The following AP3B2 variants were observed in gnomAD, a reference collection of about 807,000 sequenced individuals.
The protein encoded by AP3B2 is adaptor related protein complex 3 subunit beta 2.
A neutral mutation model predicts 126.9 loss-of-function variants in AP3B2; 50 were observed. The ratio of observed to expected loss-of-function variants is 0.39; its 90% CI spans 0.31 to 0.50. The LOEUF is 0.50. Ranked by LOEUF, AP3B2 falls within the 20% of genes least tolerant of loss-of-function variation. The pLI is 0.79. For synonymous variants in AP3B2, 541 were observed against 565.0 expected, an observed-to-expected ratio of 0.96 and a Z score of 0.60; for missense variants, 1,177 against 1,426.4, an observed-to-expected ratio of 0.83 and a Z score of 2.82.
chr15:82,703,068 T>C (rs1413734150), intron 1 of AP3B2, among the ~76,000 whole-genome samples: 1 of 152,148 alleles, frequency 6.6e-6, no homozygotes, highest in Admixed American at 6.6e-5. Context: ...AGGAAATGCA[T>C]TTTATCTGTG....
intron 14 of AP3B2, among the ~76,000 whole-genome samples, chr15:82,671,724 AGAGT>A (rs1033288177): frequency 1.5e-5 from 2 of 134,106 alleles, no homozygotes; most frequent in Non-Finnish European, 3.2e-5. Flanking sequence ...CTGGGAAAAA[AGAGT>A]GAAACACCAT....
chr15:82,679,801 C>CT lies in AP3B2; in HGVS notation c.1111-2dup, dbSNP rs1002901053. On this transcript the variant is annotated splice_acceptor_variant, in intron 9 of 26. Transcript: ENST00000535359. LOFTEE classifies it high-confidence loss of function. ...TCTTCAGGTAGGGCTCAAACATACCCTGGCACAAGAGAGGCAGCTAGGGAG... is the reference window on the plus strand; with the variant it reads ...TCTTCAGGTAGGGCTCAAACATACCCTTGGCACAAGAGAGGCAGCTAGGGAG... The CT allele has an allele frequency of 1.4e-5, 22 of 1,613,790 alleles. No homozygotes were observed. The highest frequency in any genetic ancestry group is 1.9e-5 in the Non-Finnish European group (22 of 1,179,820).
intron 4 of AP3B2, 51 bp downstream of exon 4, chr15:82,688,685 A>C: frequency 6.6e-7 from 1 of 1,515,172 alleles, no homozygotes; most frequent in Non-Finnish European, 9.0e-7. Flanking sequence ...TACTCCTCCG[A>C]TACAGCGCCA....
chr15:82,680,099 C>T lies in AP3B2; in HGVS notation c.1110+76G>A. On this transcript the variant is annotated intron_variant, in intron 9 of 26. Transcript: ENST00000535359. This position sits in a 1 kb window ranked among gnomAD's most constrained non-coding sequence, Gnocchi z 6.1. ...ATCTTCCCTTTCCCCGGCCCCGGTC[C>T]CAGCCCCGACAACGCCTCCAGTGCC... is the stretch of plus-strand genomic sequence containing the variant. 1 of 1,587,300 alleles carries T rather than the reference C, an allele frequency of 6.3e-7. No individual in the cohort carries two copies. Among genetic ancestry groups the T allele is most frequent in the South Asian group, 1.1e-5 (1 of 89,372 alleles).
intron 14 of AP3B2, among the ~76,000 whole-genome samples, chr15:82,669,064 G>A (rs1363716808): frequency 6.6e-6 from 1 of 152,194 alleles, no homozygotes; most frequent in Non-Finnish European, 1.5e-5. Context: ...CCCACCAGTA[G>A]CTGCCTCCTG....
chr15:82,671,829 C>A (rs796960317), intron 14 of AP3B2, among the ~76,000 whole-genome samples: 2 of 151,058 alleles, frequency 1.3e-5, no homozygotes, highest in South Asian at 2.1e-4. Context: ...AGATCACTTG[C>A]GGCCAGGAGT....
chr15:82,698,787 A>ATGTGGGTGGGTGGGG (rs1450432701), intron 1 of AP3B2, among the ~76,000 whole-genome samples: 2 of 152,000 alleles, frequency 1.3e-5, no homozygotes, highest in African/African-American at 4.8e-5. Context: ...TGCGCCTGTC[A>ATGTGGGTGGGTGGGG]AATGCACACA....
rs974332278 is a variant in AP3B2 at position 82,665,411 on chromosome 15, A to G, written c.1971+46T>C. On this transcript the variant is annotated intron_variant, in intron 16 of 26. Transcript: ENST00000535359. This position sits in a 1 kb window ranked among gnomAD's most constrained non-coding sequence, Gnocchi z 4.4. ...CACACACACACACACACACACACACACACACACACACACACACACACACTT... is the reference window on the plus strand; with the variant it reads ...CACACACACACACACACACACACACGCACACACACACACACACACACACTT... 3 of 541,174 alleles carry G rather than the reference A, an allele frequency of 5.5e-6. No individual in the cohort carries two copies. The highest frequency in any genetic ancestry group is 8.8e-6 in the Non-Finnish European group (3 of 339,320). The allele number at this position is 541,174 out of a possible 1,614,324, so 33.5% of individuals were successfully genotyped here.
chr15:82,680,658 G>T lies in AP3B2; in HGVS notation c.869C>A (p.Ala290Asp). The T allele has an allele frequency of 1.3e-6, 2 of 1,580,132 alleles. No homozygotes were observed. The highest frequency in any genetic ancestry group is 8.6e-7 in the Non-Finnish European group (1 of 1,168,270). The stretch of plus-strand genomic sequence containing the variant: ...CATGACATAGGGCTTTCGGGAGGGG[G>T]CGGCCGCGGCGGCCGTCTCCTCAGA... ...AGSEETAAAA[A>D]PSRKPYVMDP... is the part of the protein sequence containing the mutation. The change falls in exon 8 of 27, where the codon GCC (alanine) becomes GAC (aspartate). Residue 290 changes from alanine to aspartate, a missense_variant. This residue lies in a region of AP3B2 where 103 missense variants were observed against 101.4 expected (regional missense o/e 1.02). Transcript: ENST00000535359. The surrounding 1 kb of genome is among the most constrained non-coding windows in gnomAD (Gnocchi z 6.1).
intron 1 of AP3B2, chr15:82,691,603 TA>T (rs374866615): frequency 0.029 from 17,375 of 606,762 alleles, 78 homozygotes; most frequent in African/African-American, 0.066. Context: ...TTTTCTTCTT[TA>T]AAAAAAAAAA....
chr15:82,687,428 G>A (rs1035959994), intron 4 of AP3B2: 12 of 152,126 alleles, frequency 7.9e-5, no homozygotes, highest in Admixed American at 1.3e-4. Context: ...AGGGGGACAG[G>A]GTCAGTTGGT....
Position 82,665,025 on chromosome 15 carries a change from C to T in AP3B2, c.2029-82G>A. ...AGGCACAAGCCCTTACCCTTTATTC[C>T]ACCTCTTTGTGAGGCCCTACCTGGT... On this transcript the variant is annotated intron_variant, in intron 17 of 26. Coordinates refer to ENST00000535359, the MANE Select transcript of AP3B2 (RefSeq NM_001278512.2). This position sits in a 1 kb window ranked among gnomAD's most constrained non-coding sequence, Gnocchi z 4.4. The T allele has an allele frequency of 8.3e-7, 1 of 1,201,902 alleles. No individual in the cohort carries two copies. 74.5% of individuals were successfully genotyped at this position (1,201,902 alleles called of 1,614,324 possible). A position where few individuals can be genotyped will look rare whatever the true frequency, so the allele number is the denominator to read the frequency against.
chr15:82,664,934 A>G lies in AP3B2; in HGVS notation c.2038T>C (p.Trp680Arg), dbSNP rs1486507474. 1.2e-6 allele frequency: 2 copies of G among 1,606,626 alleles called. No individual in the cohort carries two copies. Among genetic ancestry groups the G allele is most frequent in the Non-Finnish European group, 1.7e-6 (2 of 1,176,430 alleles). Residue 680 changes from tryptophan to arginine, a missense_variant, in exon 18 of 27, where the codon TGG becomes CGG. By Grantham distance (101) the Trp-to-Arg change is moderately radical. Around this residue, in one of 5 missense-constraint regions of AP3B2, gnomAD observed 587 missense variants for 571.3 expected, o/e 1.03. Coordinates refer to ENST00000535359, the MANE Select transcript of AP3B2 (RefSeq NM_001278512.2). This position sits in a 1 kb window ranked among gnomAD's most constrained non-coding sequence, Gnocchi z 4.5. ...TTCTCCCGATTTGAGCACTTGGTCC[A>G]TTCAGGTACCTGGAGATGGGGGTAG... is the stretch of plus-strand genomic sequence containing the variant. ...LLGEYTEVPE[W>R]TKCSNREKRK...
At chr15:82,660,215 T>C (rs2047916491) in intron 25 of AP3B2, among the ~76,000 whole-genome samples, 1 of 152,164 alleles carries the variant, frequency 6.6e-6, no homozygotes. Flanking sequence ...TTTATCCATG[T>C]TGTTACCAAA....
Position 82,665,310 on chromosome 15 carries a change from G to C in AP3B2, c.1972-7C>G. ...TAAGGGAGAGATCTTCTTCCTGTGT[G>C]TGTGGGGGAGGGTGTTAGGAGGGCT... On this transcript the variant is annotated splice_polypyrimidine_tract_variant and splice_region_variant and intron_variant, in intron 16 of 26. Transcript: ENST00000535359. The surrounding 1 kb of genome is among the most constrained non-coding windows in gnomAD (Gnocchi z 4.4). The C allele has an allele frequency of 1.3e-6, 2 of 1,572,758 alleles. No individual in the cohort carries two copies. Among genetic ancestry groups the C allele is most frequent in the Non-Finnish European group, 1.7e-6 (2 of 1,166,874 alleles).
intron 23 of AP3B2, 198 bp downstream of exon 23, chr15:82,662,496 G>T: frequency 1.5e-6 from 1 of 674,086 alleles, no homozygotes. Context: ...ATCTGCTGCT[G>T]CAAGCACCTC....
At chr15:82,697,325 C>G (rs2048644808) in intron 1 of AP3B2, among the ~76,000 whole-genome samples, 1 of 151,730 alleles carries the variant, frequency 6.6e-6, no homozygotes, top group Non-Finnish European at 1.5e-5. Context: ...CAGAACGAGA[C>G]TCCATCTCAA....
chr15:82,709,830 G>C lies in AP3B2; in HGVS notation c.-124C>G. 1.5e-6 allele frequency: 1 copy of C among 671,516 alleles called. No homozygotes were observed. The highest frequency in any genetic ancestry group is 2.5e-5 in the South Asian group (1 of 40,748). 41.6% of individuals were successfully genotyped at this position (671,516 alleles called of 1,614,324 possible). ...AAGGCGGCGGCGCGGCAGGGGTTCA[G>C]CAGAGGCTGCAGTGTGCAGCGGCGG... is the stretch of plus-strand genomic sequence containing the variant. On this transcript the variant is annotated 5_prime_UTR_variant, in exon 1 of 27. Coordinates refer to ENST00000535359, the MANE Select transcript of AP3B2 (RefSeq NM_001278512.2).
rs1484502377 is a variant in AP3B2 at position 82,680,464 on chromosome 15, G to GAGCGCACCTGTGGCTGCGC, written c.1044_1055+7dup. On this transcript the variant is annotated splice_region_variant and intron_variant, in intron 8 of 26. Transcript: ENST00000535359. This position sits in a 1 kb window ranked among gnomAD's most constrained non-coding sequence, Gnocchi z 6.1. ...GAGGGAGGGGGCGGGGCTGGGGGCG[G>GAGCGCACCTGTGGCTGCGC]AGCGCACCTGTGGCTGCGCAGCAGG... The GAGCGCACCTGTGGCTGCGC allele has an allele frequency of 6.7e-7, 1 of 1,485,698 alleles. No individual in the cohort carries two copies. Among genetic ancestry groups the GAGCGCACCTGTGGCTGCGC allele is most frequent in the Non-Finnish European group, 8.9e-7 (1 of 1,120,372 alleles). The allele number at this position is 1,485,698 out of a possible 1,614,324, so 92.0% of individuals were successfully genotyped here. A position where few individuals can be genotyped will look rare whatever the true frequency, so the allele number is the denominator to read the frequency against.
Sources: allele counts gnomAD v4.1 joint callset (sites outside exome capture counted in the v4.1 genomes callset), GRCh38; gene constraint gnomAD v4.1.1; regional missense constraint gnomAD v4.1.1; non-coding constraint Gnocchi (gnomAD v3.1); transcripts MANE v1.5; gene names NCBI Gene and HGNC (gene_info 2026-07-23, HGNC 2026-07-21).